Variants in CAMK2D observed in about 807,000 individuals in gnomAD.
CAMK2D encodes the protein calcium/calmodulin-dependent protein kinase type II subunit delta.
In CAMK2D, 37 loss-of-function variants were observed where a neutral mutation model predicts 84.0. The ratio of observed to expected loss-of-function variants is 0.44; its 90% CI spans 0.34 to 0.58. The LOEUF (loss-of-function observed/expected upper bound fraction) is 0.58. Ranked by LOEUF, CAMK2D falls within the 20% of genes least tolerant of loss-of-function variation. The pLI, the probability that CAMK2D is intolerant of heterozygous loss-of-function variation, is 0.02. For synonymous variants in CAMK2D, 202 were observed against 212.5 expected, an observed-to-expected ratio of 0.95 and a Z score of 0.43; for missense variants, 448 against 652.5, an observed-to-expected ratio of 0.69 and a Z score of 3.41.
intron 2 of CAMK2D, among the ~76,000 whole-genome samples, chr4:113,716,151 T>C (rs770467875): frequency 7.2e-5 from 11 of 152,148 alleles, no homozygotes; most frequent in Non-Finnish European, 1.6e-4. Context: ...CGCAACTCAA[T>C]TTGCTGTACT....
At chr4:113,562,586 G>A (rs915788754) in intron 4 of CAMK2D, among the ~76,000 whole-genome samples, 8 of 152,084 alleles carry the variant, frequency 5.3e-5, no homozygotes, top group Admixed American at 2.6e-4. Flanking sequence ...GCTAACATAC[G>A]AAAGAAGGAG....
In CAMK2D at chr4:113,531,248, G is replaced by A. The variant is rs375039955; in HGVS notation, c.569C>T (p.Pro190Leu). Residue 190 changes from proline to leucine, a missense_variant, in exon 8 of 21, where the codon CCT (proline) becomes CTT (leucine). Around this residue, in one of 7 missense-constraint regions of CAMK2D, gnomAD observed 69 missense variants for 175.6 expected, o/e 0.39. Coordinates refer to ENST00000511664, the MANE Select transcript of CAMK2D (RefSeq NM_001321571.2). ...YLSPEVLRKD[P>L]YGKPVDMWAC... ...CCACATATCCACTGGCTTTCCATAA[G>A]GATCTTTACGTAAAACTTCTGGAGA... 6.2e-7 allele frequency: 1 copy of A among 1,605,874 alleles called. No homozygotes were observed. Among genetic ancestry groups the A allele is most frequent in the Non-Finnish European group, 8.5e-7 (1 of 1,172,828 alleles).
At chr4:113,699,080 G>A (rs1471606838) in intron 2 of CAMK2D, among the ~76,000 whole-genome samples, 2 of 152,044 alleles carry the variant, frequency 1.3e-5, no homozygotes, top group African/African-American at 4.8e-5. Context: ...CATCAACTGA[G>A]AACACATATA....
intron 8 of CAMK2D, among the ~76,000 whole-genome samples, chr4:113,526,414 ATGTGTGTG>A (rs35503858): frequency 1.3e-3 from 191 of 149,676 alleles, no homozygotes; most frequent in East Asian, 0.013. Context: ...GTCATTCTTG[ATGTGTGTG>A]TGTGTGTGTG....
chr4:113,760,322 G>A (rs1350596085), intron 1 of CAMK2D, among the ~76,000 whole-genome samples: 1 of 152,160 alleles, frequency 6.6e-6, no homozygotes, highest in Non-Finnish European at 1.5e-5. Flanking sequence ...TCCGTTGCCT[G>A]TATAAATAAA....
At chr4:113,465,768 G>A (rs2097452762) in intron 16 of CAMK2D, among the ~76,000 whole-genome samples, 164 bp from the exon 17 acceptor site, 1 of 151,864 alleles carries the variant, frequency 6.6e-6, no homozygotes, top group South Asian at 2.1e-4. Flanking sequence ...GGGCTCAAGT[G>A]ATCCTCCCAC....
intron 3 of CAMK2D, among the ~76,000 whole-genome samples, chr4:113,644,433 T>C (rs1335043139): frequency 6.6e-6 from 1 of 152,132 alleles, no homozygotes; most frequent in African/African-American, 2.4e-5. Flanking sequence ...AAGGGAAGCC[T>C]TGAGTAGTCT....
chr4:113,473,330 C>T (rs1407011621), intron 16 of CAMK2D, among the ~76,000 whole-genome samples: 3 of 152,156 alleles, frequency 2.0e-5, no homozygotes, highest in Admixed American at 1.3e-4. Context: ...AGGTGCCTAT[C>T]AATTCAGTTA....
At chr4:113,760,944 G>T in intron 1 of CAMK2D, 60 bp downstream of exon 1, 1 of 1,604,968 alleles carries the variant, frequency 6.2e-7, no homozygotes, top group Non-Finnish European at 8.5e-7. Flanking sequence ...TGGGTCGGGG[G>T]CAACGCGACC....
chr4:113,468,446 T>C (rs2097504339), intron 16 of CAMK2D, among the ~76,000 whole-genome samples: 1 of 152,180 alleles, frequency 6.6e-6, no homozygotes, highest in African/African-American at 2.4e-5. Context: ...CTTATTTCAC[T>C]GGGGCAAAGG....
intron 16 of CAMK2D, among the ~76,000 whole-genome samples, chr4:113,475,655 C>A (rs906421908): frequency 2.0e-5 from 3 of 152,196 alleles, no homozygotes; most frequent in Admixed American, 6.5e-5. Flanking sequence ...GTGTTGCATA[C>A]TTCTTATCTT....
In CAMK2D at chr4:113,661,777, TA is replaced by T. The variant is rs749740075; in HGVS notation, c.161-6del. On this transcript the variant is annotated splice_region_variant and splice_polypyrimidine_tract_variant and intron_variant, in intron 2 of 20. Coordinates refer to ENST00000511664, the MANE Select transcript of CAMK2D (RefSeq NM_001321571.2). ...CTCTTTCTAGTTTCTGATGATCTGT[TA>T]AAAAAAAAAACAGAATAAGGCAAAA... 0.017 allele frequency: 19,462 copies of T among 1,163,416 alleles called. 116 individuals are homozygous for T. Among genetic ancestry groups the T allele is most frequent in the African/African-American group, 0.071 (4,404 of 62,264 alleles). 72.1% of individuals were successfully genotyped at this position (1,163,416 alleles called of 1,614,324 possible).
intron 4 of CAMK2D, among the ~76,000 whole-genome samples, chr4:113,603,881 G>T (rs750731221): frequency 1.3e-5 from 2 of 148,348 alleles, no homozygotes; most frequent in African/African-American, 5.0e-5. Context: ...GATAGCTTGA[G>T]ACCGGAAGTT....
intron 16 of CAMK2D, among the ~76,000 whole-genome samples, chr4:113,494,583 CT>C (rs1249995829): frequency 6.6e-6 from 1 of 152,222 alleles, no homozygotes; most frequent in Non-Finnish European, 1.5e-5. Context: ...GAGATTACTG[CT>C]GTCTTTTTGT....
At chr4:113,575,589 C>A (rs1465110076) in intron 4 of CAMK2D, among the ~76,000 whole-genome samples, 1 of 152,192 alleles carries the variant, frequency 6.6e-6, no homozygotes, top group Non-Finnish European at 1.5e-5. Flanking sequence ...TCCTGTCAAA[C>A]CACAATGTTT....
At chr4:113,758,658 T>TC (rs1416830288) in intron 2 of CAMK2D, among the ~76,000 whole-genome samples, 1 of 152,152 alleles carries the variant, frequency 6.6e-6, no homozygotes, top group East Asian at 1.9e-4. Flanking sequence ...GTGAGAGCCC[T>TC]CCAAGTTTTT....
intron 3 of CAMK2D, among the ~76,000 whole-genome samples, chr4:113,645,115 C>T (rs1395396206): frequency 6.6e-6 from 1 of 152,124 alleles, no homozygotes; most frequent in African/African-American, 2.4e-5. Context: ...CTCCCGGGTT[C>T]ACGCCATTCT....
intron 4 of CAMK2D, among the ~76,000 whole-genome samples, chr4:113,558,162 G>A (rs931687560): frequency 6.6e-6 from 1 of 152,146 alleles, no homozygotes; most frequent in African/African-American, 2.4e-5. Flanking sequence ...ACACACTCAC[G>A]TAACTCACAA....
chr4:113,508,874 A>G (rs1373105932), intron 13 of CAMK2D, among the ~76,000 whole-genome samples: 1 of 152,192 alleles, frequency 6.6e-6, no homozygotes, highest in African/African-American at 2.4e-5. Flanking sequence ...TGAAGAATGT[A>G]TGCATCTGTC....
Sources: allele counts gnomAD v4.1 joint callset (sites outside exome capture counted in the v4.1 genomes callset), GRCh38; gene constraint gnomAD v4.1.1; regional missense constraint gnomAD v4.1.1; transcripts MANE v1.5; gene names NCBI Gene and HGNC (gene_info 2026-07-23, HGNC 2026-07-21).